The following LGMN variants were observed in gnomAD, a reference collection of about 807,000 sequenced individuals.
The protein encoded by LGMN is legumain, also known as asparaginyl endopeptidase.
LGMN carries 36 observed loss-of-function variants against 56.8 expected under a neutral mutation model. The ratio of observed to expected loss-of-function variants is 0.63; its 90% CI spans 0.49 to 0.84. The LOEUF is 0.84. Ranked by LOEUF, LGMN falls within the 40% of genes least tolerant of loss-of-function variation. The pLI, the probability that LGMN is intolerant of heterozygous loss-of-function variation, is 0.00. For synonymous variants in LGMN, 199 were observed against 210.1 expected (o/e 0.95, Z 0.46); for missense variants, 446 against 556.1 (o/e 0.80, Z 1.99).
chr14:92,738,258 T>C (rs1406286326), intron 1 of LGMN, among the ~76,000 whole-genome samples: 3 of 151,714 alleles, frequency 2.0e-5, no homozygotes, highest in African/African-American at 4.8e-5. Flanking sequence ...GCCCTACTGA[T>C]ACAGAAAATG....
intron 1 of LGMN, among the ~76,000 whole-genome samples, chr14:92,742,350 T>C (rs544588611): frequency 7.2e-6 from 1 of 139,104 alleles, no homozygotes; most frequent in Non-Finnish European, 1.5e-5. Context: ...CAGAATGGAG[T>C]GCAATGGAGT....
intron 1 of LGMN, chr14:92,733,705 G>A (rs1255308128): frequency 6.6e-6 from 1 of 152,236 alleles, no homozygotes; most frequent in Admixed American, 6.5e-5. Context: ...TACTTGGGAG[G>A]CTGAGGCAGG....
At chr14:92,712,117 G>T (rs1037731612) in intron 8 of LGMN, among the ~76,000 whole-genome samples, 162 bp from the exon 9 acceptor site, 2 of 152,146 alleles carry the variant, frequency 1.3e-5, no homozygotes, top group African/African-American at 2.4e-5. Context: ...TTGTGTATTC[G>T]ATTACAATAA....
At chr14:92,713,786 C>G (rs1425202789) in intron 7 of LGMN, 37 bp downstream of exon 7, 1 of 1,491,714 alleles carries the variant, frequency 6.7e-7, no homozygotes, top group South Asian at 1.1e-5. Context: ...TCCTCACACC[C>G]CCCGCCCCCA....
intron 2 of LGMN, among the ~76,000 whole-genome samples, chr14:92,731,369 T>C (rs1891042078): frequency 6.6e-6 from 1 of 152,262 alleles, no homozygotes; most frequent in African/African-American, 2.4e-5. Flanking sequence ...GTTTCTAGTA[T>C]GTTCACCAAG....
intron 4 of LGMN, among the ~76,000 whole-genome samples, chr14:92,716,699 G>A (rs1257885827): frequency 6.6e-6 from 1 of 152,096 alleles, no homozygotes; most frequent in Non-Finnish European, 1.5e-5. Context: ...TGTATGATAT[G>A]TTAAATTTAA....
chr14:92,741,651 A>T (rs1178283705), intron 1 of LGMN: 2 of 152,156 alleles, frequency 1.3e-5, no homozygotes, highest in Admixed American at 1.3e-4. Context: ...GGAGTTTGAA[A>T]CCAGCCTGGC....
At position 92,732,790 on chromosome 14, in the gene LGMN, G is replaced by T; in HGVS notation, c.-4C>A. The T allele has an allele frequency of 6.2e-7, 1 of 1,612,238 alleles. No homozygotes were observed. The highest frequency in any genetic ancestry group is 1.3e-5 in the African/African-American group (1 of 74,912). ...ATACAGCTACTTTCCAAACCATTCT[G>T]CACCTTGGAGTTCAATTGCAGACAC... On this transcript the variant is annotated 5_prime_UTR_variant, in exon 2 of 14. Transcript: ENST00000334869.
Position 92,704,155 on chromosome 14 carries a change from G to T in LGMN, c.*164C>A. ...GAAAAGACTGGGGAAGCAGGTAACA[G>T]CGAGCAAGTCATCTTGTGAAGAAGG... On this transcript the variant is annotated 3_prime_UTR_variant, in exon 14 of 14. Transcript: ENST00000334869. 1.2e-6 allele frequency: 1 copy of T among 821,940 alleles called. No homozygotes were observed. Among genetic ancestry groups the T allele is most frequent in the Non-Finnish European group, 2.1e-6 (1 of 477,820 alleles). The allele number at this position is 821,940 out of a possible 1,614,324, so 50.9% of individuals were successfully genotyped here. A position where few individuals can be genotyped will look rare whatever the true frequency, so the allele number is the denominator to read the frequency against.
chr14:92,717,540 C>T (rs576509014), intron 3 of LGMN, 79 bp from the exon 4 acceptor site: 13 of 1,056,810 alleles, frequency 1.2e-5, no homozygotes, highest in African/African-American at 7.9e-5. Context: ...GTATGTTATG[C>T]GAAAAAATAG....
rs771028038 is a variant in LGMN, at chr14:92,716,214, G to T, written c.326C>A (p.Thr109Asn). ...CAACACAGCAAGGAAATTTTGTGGG[G>T]TAACATCCTACAAAGAATTAGGAGC... ...VPKDYTGEDV[T>N]PQNFLAVLRG... Residue 109 changes from threonine (T) to asparagine (N), a missense_variant, in exon 5 of 14, where the codon ACC (threonine) becomes AAC (asparagine). Physicochemically the swap from Thr to Asn is moderately conservative, Grantham distance 65. Transcript: ENST00000334869. 6.2e-6 allele frequency: 10 copies of T among 1,611,892 alleles called. No individual in the cohort carries two copies. The South Asian group carries it at 9.9e-5, about 16-fold the overall frequency.
rs1006513211 is a variant in LGMN, at chr14:92,703,950, A to G, written c.*369T>C. Reference sequence around the variant, plus strand: ...GCCCTCTTCAATAAAATCATTCTGAAGATTTAAAGAGGTTTCAGCTTCAAA... The same window carrying G: ...GCCCTCTTCAATAAAATCATTCTGAGGATTTAAAGAGGTTTCAGCTTCAAA... On this transcript the variant is annotated 3_prime_UTR_variant, in exon 14 of 14. Transcript: ENST00000334869. 2 of 567,092 alleles carry G rather than the reference A, an allele frequency of 3.5e-6. No individual in the cohort carries two copies. The highest frequency in any genetic ancestry group is 1.9e-5 in the African/African-American group (1 of 52,866). The allele number at this position is 567,092 out of a possible 1,614,324, so 35.1% of individuals were successfully genotyped here. A position where few individuals can be genotyped will look rare whatever the true frequency, so the allele number is the denominator to read the frequency against.
chr14:92,721,361 C>A (rs547065051), intron 2 of LGMN, among the ~76,000 whole-genome samples: 1 of 152,142 alleles, frequency 6.6e-6, no homozygotes, highest in Non-Finnish European at 1.5e-5. Context: ...CTGGAAAAGA[C>A]GAGAAAGTGG....
chr14:92,704,202 G>T lies in LGMN; in HGVS notation c.*117C>A, dbSNP rs531181720. ...AAGGTCCTGGAGCGAGCCCTGGAGC[G>T]GGGGCTCCCCAGGAGGGCCCGAGCA... On this transcript the variant is annotated 3_prime_UTR_variant, in exon 14 of 14. Transcript: ENST00000334869. The T allele has an allele frequency of 1.5e-6, 2 of 1,317,134 alleles. No homozygotes were observed. Among genetic ancestry groups the T allele is most frequent in the Non-Finnish European group, 1.1e-6 (1 of 910,806 alleles). The allele number at this position is 1,317,134 out of a possible 1,614,324, so 81.6% of individuals were successfully genotyped here. A position where few individuals can be genotyped will look rare whatever the true frequency, so the allele number is the denominator to read the frequency against.
chr14:92,726,396 C>T (rs772922819), intron 2 of LGMN, among the ~76,000 whole-genome samples: 1 of 152,096 alleles, frequency 6.6e-6, no homozygotes, highest in Non-Finnish European at 1.5e-5. Flanking sequence ...CGATTTTTGC[C>T]CCTTGGCCCA....
intron 12 of LGMN, among the ~76,000 whole-genome samples, chr14:92,705,197 C>T (rs1889364343): frequency 6.6e-6 from 1 of 152,160 alleles, no homozygotes. Flanking sequence ...TGCATGACTC[C>T]AAAGGTCAAA....
chr14:92,719,183 T>TCACCAC (rs1566923739), intron 2 of LGMN, among the ~76,000 whole-genome samples: 32 of 22,092 alleles, frequency 1.4e-3, no homozygotes, highest in Middle Eastern at 0.023. Context: ...ACCACCACCA[T>TCACCAC]CACCACCACC....
intron 1 of LGMN, among the ~76,000 whole-genome samples, chr14:92,733,321 A>AT (rs1387174051): frequency 2.2e-4 from 34 of 152,190 alleles, no homozygotes. Context: ...GGGGCTGTCC[A>AT]TACCTCCCAA....
At position 92,712,843 on chromosome 14, in the gene LGMN, G is replaced by A. The variant is rs370554711; in HGVS notation, c.572C>T (p.Ser191Phe). The change falls in exon 8 of 14, where the codon TCT (serine) becomes TTT (phenylalanine). Residue 191 changes from serine to phenylalanine, a missense_variant. By Grantham distance (155) the Ser-to-Phe change is radical. Transcript: ENST00000334869. ...KMVFYIEACE[S>F]GSMMNHLPDN... The stretch of plus-strand genomic sequence containing the variant: ...CGGCAGGTGGTTCATCATGGACCCA[G>A]ACTCACAGGCTTCAATGTAGAACAC... 4 of 1,613,864 alleles carry A rather than the reference G, an allele frequency of 2.5e-6. No homozygotes were observed. The highest frequency in any genetic ancestry group is 3.4e-6 in the Non-Finnish European group (4 of 1,179,986).
Sources: allele counts gnomAD v4.1 joint callset (sites outside exome capture counted in the v4.1 genomes callset), GRCh38; gene constraint gnomAD v4.1.1; transcripts MANE v1.5; gene names NCBI Gene and HGNC (gene_info 2026-07-23, HGNC 2026-07-21).